The following RAB27A variants were observed in gnomAD, a reference collection of about 807,000 sequenced individuals.
RAB27A encodes ras-related protein Rab-27A.
A neutral mutation model predicts 20.8 loss-of-function variants in RAB27A; 17 were observed. The observed-to-expected ratio is 0.82, with a 90% CI of 0.56 to 1.23. The LOEUF is 1.23. RAB27A is among the 50% of genes most tolerant of loss of function. The pLI is 0.00. For synonymous variants in RAB27A, 85 were observed against 92.8 expected, an observed-to-expected ratio of 0.92 and a Z score of 0.48; for missense variants, 277 against 266.7, an observed-to-expected ratio of 1.04 and a Z score of -0.27.
intron 2 of RAB27A, among the ~76,000 whole-genome samples, chr15:55,264,749 G>A (rs539328060): frequency 6.6e-6 from 1 of 152,328 alleles, no homozygotes; most frequent in Non-Finnish European, 1.5e-5. Flanking sequence ...TGATGCCACT[G>A]AGGAGGGAGA....
Position 55,204,560 on chromosome 15 carries a change from G to A in RAB27A, c.*947C>T, listed in dbSNP as rs1003172344. 1.3e-5 allele frequency: 2 copies of A among 152,154 alleles called. No individual in the cohort carries two copies. Among genetic ancestry groups the A allele is most frequent in the African/African-American group, 4.8e-5 (2 of 41,424 alleles). The allele number at this position is 152,154 out of a possible 1,614,324, so 9.4% of individuals were successfully genotyped here. On this transcript the variant is annotated 3_prime_UTR_variant, in exon 7 of 7. Transcript: ENST00000336787. The stretch of plus-strand genomic sequence containing the variant: ...AATACAGAGCCTGCTGGTAAAGATA[G>A]AGATGAGTAAGTTATAAGCTAATAA...
intron 2 of RAB27A, among the ~76,000 whole-genome samples, chr15:55,301,646 T>TC (rs11393958): frequency 1.4e-4 from 1 of 7,324 alleles, no homozygotes; most frequent in Non-Finnish European, 3.9e-4. Context: ...CCTAAAAATC[T>TC]TTTTTTTTTT....
chr15:55,266,404 G>A (rs1897487408), intron 2 of RAB27A, among the ~76,000 whole-genome samples: 1 of 152,218 alleles, frequency 6.6e-6, no homozygotes. Flanking sequence ...GACATATGGA[G>A]AGAGATTTTG....
At position 55,209,845 on chromosome 15, in the gene RAB27A, CATATATGTGTGTATAT is replaced by C. The variant is rs1403538651; in HGVS notation, c.468-4156_468-4141del. Among the ~76,000 whole-genome samples the C allele has an allele frequency of 6.2e-3, 647 of 104,746 alleles. 79 individuals carry two copies. Among genetic ancestry groups the C allele is most frequent in the Admixed American group, 0.051 (578 of 11,304 alleles). 68.7% of individuals were successfully genotyped at this position (104,746 alleles called of 152,430 possible). Reference sequence around the variant, plus strand: ...GTATATATACATATATGTGTGTACACATATATGTGTGTATATACATATATACATATATGTGTGTGTA... The same window carrying C: ...GTATATATACATATATGTGTGTACACACATATATACATATATGTGTGTGTA... On this transcript the variant is annotated intron_variant, in intron 6 of 6. Coordinates refer to ENST00000336787, the MANE Select transcript of RAB27A (RefSeq NM_183235.3).
At chr15:55,236,043 A>T (rs779472517) in intron 2 of RAB27A, among the ~76,000 whole-genome samples, 1 of 152,034 alleles carries the variant, frequency 6.6e-6, no homozygotes, top group African/African-American at 2.4e-5. Context: ...GGGATAAAAG[A>T]CTACAGATTG....
intron 2 of RAB27A, among the ~76,000 whole-genome samples, chr15:55,264,544 G>A (rs916871650): frequency 2.0e-5 from 3 of 152,016 alleles, no homozygotes; most frequent in African/African-American, 7.2e-5. Flanking sequence ...AGGAGGATGT[G>A]GGAAAGGGTT....
chr15:55,243,016 T>C (rs1049856077), intron 2 of RAB27A, among the ~76,000 whole-genome samples: 1 of 152,182 alleles, frequency 6.6e-6, no homozygotes, highest in Non-Finnish European at 1.5e-5. Flanking sequence ...CCAGCAGTTA[T>C]AGCAGTGATA....
At position 55,205,184 on chromosome 15, in the gene RAB27A, C is replaced by CA. The variant is rs1462505798; in HGVS notation, c.*322dup. ...ACATTAAGGCAGGTGACAGTACCCT[C>CA]ATTCATTCTACATAATAAATACACT... On this transcript the variant is annotated 3_prime_UTR_variant, in exon 7 of 7. Coordinates refer to ENST00000336787, the MANE Select transcript of RAB27A (RefSeq NM_183235.3). 2.6e-6 allele frequency: 1 copy of CA among 377,396 alleles called. No homozygotes were observed. Among genetic ancestry groups the CA allele is most frequent in the Non-Finnish European group, 5.0e-6 (1 of 199,558 alleles). The allele number at this position is 377,396 out of a possible 1,614,324, so 23.4% of individuals were successfully genotyped here.
chr15:55,212,890 T>C (rs1176378305), intron 6 of RAB27A, among the ~76,000 whole-genome samples: 1 of 152,222 alleles, frequency 6.6e-6, no homozygotes, highest in Non-Finnish European at 1.5e-5. Context: ...GGTGTAATTT[T>C]TAAATAACTC....
chr15:55,274,850 TTAGC>T (rs1212591742), intron 1 of RAB27A, among the ~76,000 whole-genome samples: 4 of 90,090 alleles, frequency 4.4e-5, no homozygotes, highest in African/African-American at 1.1e-4. Flanking sequence ...AGACAAAACT[TTAGC>T]TAGTCTAAAA....
At chr15:55,210,058 ATATG>A (rs1232679609) in intron 6 of RAB27A, among the ~76,000 whole-genome samples, 1 of 138,546 alleles carries the variant, frequency 7.2e-6, no homozygotes, top group African/African-American at 2.9e-5. Flanking sequence ...ATATATACAC[ATATG>A]TGTGTGTACA....
At chr15:55,228,264 A>G (rs1895886986) in intron 5 of RAB27A, among the ~76,000 whole-genome samples, 1 of 152,158 alleles carries the variant, frequency 6.6e-6, no homozygotes, top group South Asian at 2.1e-4. Context: ...CATACAATAG[A>G]CAAGCAGATA....
intron 6 of RAB27A, among the ~76,000 whole-genome samples, chr15:55,216,021 T>C (rs1219952055): frequency 6.7e-6 from 1 of 148,404 alleles, no homozygotes; most frequent in Non-Finnish European, 1.5e-5. Flanking sequence ...TAGTAGTACA[T>C]CTTACCAACT....
chr15:55,230,536 C>T lies in RAB27A; in HGVS notation c.154-50G>A, dbSNP rs200352679. 2.0e-4 allele frequency: 291 copies of T among 1,462,824 alleles called. 1 individual carries two copies. Among genetic ancestry groups the T allele is most frequent in the Admixed American group, 3.7e-4 (22 of 59,574 alleles). The allele number at this position is 1,462,824 out of a possible 1,614,324, so 90.6% of individuals were successfully genotyped here. A position where few individuals can be genotyped will look rare whatever the true frequency, so the allele number is the denominator to read the frequency against. On this transcript the variant is annotated intron_variant, in intron 3 of 6. Transcript: ENST00000336787. The stretch of plus-strand genomic sequence containing the variant: ...AACAAAAGAGAACTTCTAACACCAG[C>T]GAACCTTCTCACCTTTTTGTTCAGT...
At chr15:55,290,728 C>T (rs1898286540), upstream of RAB27A, among the ~76,000 whole-genome samples, 1 of 152,230 alleles carries the variant, frequency 6.6e-6, no homozygotes, top group Non-Finnish European at 1.5e-5. Flanking sequence ...CACTCAGAGG[C>T]AGCCAAGTTC....
intron 2 of RAB27A, among the ~76,000 whole-genome samples, chr15:55,298,132 G>C (rs1007112833): frequency 1.3e-5 from 2 of 151,216 alleles, no homozygotes; most frequent in Non-Finnish European, 2.9e-5. Flanking sequence ...GTGAACCCGG[G>C]AGGCAGAGCT....
At chr15:55,262,578 C>CA (rs1437404964) in intron 2 of RAB27A, among the ~76,000 whole-genome samples, 31 of 148,208 alleles carry the variant, frequency 2.1e-4, no homozygotes, top group African/African-American at 5.7e-4. Flanking sequence ...CAAAACAAAA[C>CA]AAAAAAACAG....
intron 2 of RAB27A, among the ~76,000 whole-genome samples, chr15:55,310,197 T>C (rs2055014231): frequency 6.6e-6 from 1 of 152,192 alleles, no homozygotes; most frequent in Non-Finnish European, 1.5e-5. Context: ...GAGAAGTATC[T>C]AGTGACTGGC....
exon 1 of RAB27A, chr15:55,319,100 G>C: frequency 1.1e-6 from 1 of 895,972 alleles, no homozygotes; most frequent in Non-Finnish European, 1.6e-6. Context: ...CCGCAAGGAG[G>C]CCACCACGTC....
Sources: allele counts gnomAD v4.1 joint callset (sites outside exome capture counted in the v4.1 genomes callset), GRCh38; gene constraint gnomAD v4.1.1; transcripts MANE v1.5; gene names NCBI Gene and HGNC (gene_info 2026-07-23, HGNC 2026-07-21).